SAMHD1: variants seen among roughly 807,000 people sequenced by gnomAD.
SAMHD1 encodes SAM and HD domain containing deoxynucleoside triphosphate triphosphohydrolase 1.
A neutral mutation model predicts 79.6 loss-of-function variants in SAMHD1; 54 were observed. The observed-to-expected ratio is 0.68, with a 90% CI of 0.55 to 0.85. The LOEUF is 0.85. SAMHD1 is among the 40% of genes least tolerant of loss of function. SAMHD1 has a pLI of 0.00. For synonymous variants in SAMHD1, 260 were observed against 264.1 expected (o/e 0.98, Z 0.15); for missense variants, 663 against 782.7 (o/e 0.85, Z 1.82).
chr20:36,930,917 G>A (rs1568776881), intron 4 of SAMHD1, 42 bp from the exon 5 acceptor site: 2 of 1,355,046 alleles, frequency 1.5e-6, no homozygotes, highest in South Asian at 2.3e-5. Flanking sequence ...CTGTTTGCAA[G>A]AGGAGTGATA....
chr20:36,951,308 C>T, intron 1 of SAMHD1, 128 bp downstream of exon 1: 1 of 1,358,826 alleles, frequency 7.4e-7, no homozygotes, highest in Non-Finnish European at 1.0e-6. Context: ...GGTCCGCCCT[C>T]CCGGGTGCCT....
In SAMHD1 at chr20:36,911,213, C is replaced by G. The variant is rs954770992; in HGVS notation, c.1270+5G>C. On this transcript the variant is annotated splice_donor_5th_base_variant and intron_variant, in intron 11 of 15. Transcript: ENST00000646673. ...GGACCATCTATGTTACCTGTTACTT[C>G]TTACCTGTCAGCTTAGTATAGGCTT... 1.3e-6 allele frequency: 2 copies of G among 1,591,472 alleles called. No homozygotes were observed. The highest frequency in any genetic ancestry group is 3.3e-5 in the Admixed American group (2 of 59,978).
chr20:36,920,921 C>T (rs2063500151), intron 6 of SAMHD1, among the ~76,000 whole-genome samples: 1 of 151,176 alleles, frequency 6.6e-6, no homozygotes, highest in Non-Finnish European at 1.5e-5. Context: ...CCTGTCTCTA[C>T]AAAAAGATAA....
chr20:36,913,046 G>A (rs1047886435), intron 9 of SAMHD1, among the ~76,000 whole-genome samples: 1 of 145,292 alleles, frequency 6.9e-6, no homozygotes, highest in African/African-American at 2.6e-5. Flanking sequence ...GCCCAGGCTG[G>A]AGTGCAGTGG....
intron 11 of SAMHD1, among the ~76,000 whole-genome samples, chr20:36,905,923 A>C (rs1250614270): frequency 6.6e-6 from 1 of 152,052 alleles, no homozygotes; most frequent in African/African-American, 2.4e-5. Flanking sequence ...CGGTGAGCCA[A>C]GATTGTGCCA....
intron 9 of SAMHD1, 79 bp from the exon 10 acceptor site, chr20:36,912,631 A>G (rs2063447888): frequency 1.0e-6 from 1 of 995,390 alleles, no homozygotes; most frequent in African/African-American, 1.6e-5. Context: ...AGGACAAGGA[A>G]GGAAAAGGGA....
rs1568754796 is a variant in SAMHD1 at position 36,890,427 on chromosome 20, C to CTTTTCTT, written c.*2504_*2505insAAGAAAA. On this transcript the variant is annotated 3_prime_UTR_variant, in exon 16 of 16. Transcript: ENST00000646673. ...CTTTCTTTCTTTCTTTCTTTTCTTTCTCTCTTTCCTTCCTTCCTTCCCTCC... is the reference window on the plus strand; with the variant it reads ...CTTTCTTTCTTTCTTTCTTTTCTTTCTTTTCTTTCTCTTTCCTTCCTTCCTTCCCTCC... 8.7e-6 allele frequency: 1 copy of CTTTTCTT among 114,616 alleles called. No homozygotes were observed. Among genetic ancestry groups the CTTTTCTT allele is most frequent in the African/African-American group, 3.5e-5 (1 of 28,590 alleles). The allele number at this position is 114,616 out of a possible 1,614,324, so 7.1% of individuals were successfully genotyped here.
chr20:36,938,253 T>C (rs1201268796), intron 3 of SAMHD1, among the ~76,000 whole-genome samples: 2 of 152,092 alleles, frequency 1.3e-5, no homozygotes, highest in Non-Finnish European at 2.9e-5. Flanking sequence ...CTCAAAAATA[T>C]ATTATTGGCT....
intron 6 of SAMHD1, among the ~76,000 whole-genome samples, chr20:36,925,069 T>G (rs2063528208): frequency 6.7e-6 from 1 of 149,596 alleles, no homozygotes; most frequent in South Asian, 2.1e-4. Context: ...GGCAGGAGAC[T>G]CGCTTGAACC....
In SAMHD1 at chr20:36,951,685, G is replaced by T; in HGVS notation, c.-42C>A. The stretch of plus-strand genomic sequence containing the variant: ...CGGCACAGCAGTCAAGAACCTCGGC[G>T]CCGGACCCGCGCGCAGGCGCACTGA... On this transcript the variant is annotated 5_prime_UTR_variant, in exon 1 of 16. Coordinates refer to ENST00000646673, the MANE Select transcript of SAMHD1 (RefSeq NM_015474.4). 3.7e-6 allele frequency: 6 copies of T among 1,609,948 alleles called. No individual in the cohort carries two copies. The highest frequency in any genetic ancestry group is 5.1e-6 in the Non-Finnish European group (6 of 1,179,830).
At chr20:36,896,307 G>A (rs1990197490) in intron 15 of SAMHD1, among the ~76,000 whole-genome samples, 1 of 151,808 alleles carries the variant, frequency 6.6e-6, no homozygotes, top group Non-Finnish European at 1.5e-5. Flanking sequence ...GGGTCTGTGG[G>A]GGTCCTGGAA....
intron 11 of SAMHD1, among the ~76,000 whole-genome samples, chr20:36,909,537 G>C (rs971322975): frequency 1.3e-5 from 2 of 151,746 alleles, no homozygotes; most frequent in Admixed American, 6.6e-5. Flanking sequence ...TGGGCATGGT[G>C]GTGGGCGCCT....
At position 36,935,752 on chromosome 20, in the gene SAMHD1, G is replaced by A. The variant is rs944662168; in HGVS notation, c.349-563C>T. Among the ~76,000 whole-genome samples, 33 of 152,036 alleles carry A rather than the reference G, an allele frequency of 2.2e-4. 1 individual carries two copies. Among genetic ancestry groups the A allele is most frequent in the Non-Finnish European group, 2.6e-4 (18 of 68,012 alleles). ...TGCCCAGCTAATTTTTGTATTTTGA[G>A]TAGAGATGGGGTTTCACTATGTTGG... On this transcript the variant is annotated intron_variant, in intron 3 of 15. Transcript: ENST00000646673.
chr20:36,929,605 G>C (rs573945865), intron 5 of SAMHD1, among the ~76,000 whole-genome samples: 1 of 151,960 alleles, frequency 6.6e-6, no homozygotes, highest in Non-Finnish European at 1.5e-5. Flanking sequence ...GGCGCTACTC[G>C]GGAGGCTGAG....
chr20:36,898,685 G>T, intron 13 of SAMHD1, 141 bp from the exon 14 acceptor site: 2 of 685,624 alleles, frequency 2.9e-6, no homozygotes, highest in South Asian at 3.0e-5. Flanking sequence ...AGGCCAAGGT[G>T]GGTGAATCAC....
chr20:36,912,152 AGT>A, intron 10 of SAMHD1: 4 of 382,602 alleles, frequency 1.0e-5, no homozygotes, highest in South Asian at 1.0e-4. Context: ...ATGGTGTGTA[AGT>A]GACTACCTGT....
chr20:36,907,499 G>C (rs1388469035), intron 11 of SAMHD1, among the ~76,000 whole-genome samples: 1 of 151,420 alleles, frequency 6.6e-6, no homozygotes, highest in Non-Finnish European at 1.5e-5. Context: ...TTGAACAGCT[G>C]GGACTAAAGG....
chr20:36,949,396 C>G (rs2063717142), intron 1 of SAMHD1, among the ~76,000 whole-genome samples: 1 of 150,678 alleles, frequency 6.6e-6, no homozygotes, highest in Non-Finnish European at 1.5e-5. Context: ...GGTGGATGGT[C>G]ACTCGAAGCC....
At chr20:36,915,977 G>C (rs888555077) in intron 9 of SAMHD1, among the ~76,000 whole-genome samples, 1 of 152,086 alleles carries the variant, frequency 6.6e-6, no homozygotes, top group African/African-American at 2.4e-5. Context: ...GGCTAACACG[G>C]TGAAACCCTG....
Sources: allele counts gnomAD v4.1 joint callset (sites outside exome capture counted in the v4.1 genomes callset), GRCh38; gene constraint gnomAD v4.1.1; transcripts MANE v1.5; gene names NCBI Gene and HGNC (gene_info 2026-07-23, HGNC 2026-07-21).